Variants in MRPL13 observed in about 807,000 individuals in gnomAD.
The protein encoded by MRPL13 is large ribosomal subunit protein uL13m.
In MRPL13, 33 loss-of-function variants were observed where a neutral mutation model predicts 29.0. The ratio of observed to expected loss-of-function variants is 1.14; its 90% CI spans 0.86 to 1.52. The LOEUF (loss-of-function observed/expected upper bound fraction) is 1.52, where lower values mean the gene tolerates loss of function less well. MRPL13 is among the 40% of genes most tolerant of loss of function. The pLI is 0.00. For synonymous variants in MRPL13, 77 were observed against 68.4 expected (o/e 1.13, Z -0.62); for missense variants, 227 against 216.7 (o/e 1.05, Z -0.30).
At chr8:120,399,970 C>T (rs1053225199) in intron 6 of MRPL13, among the ~76,000 whole-genome samples, 5 of 152,118 alleles carry the variant, frequency 3.3e-5, no homozygotes, top group Admixed American at 2.6e-4. Context: ...TTCAGGAGTA[C>T]GCAGATTCAT....
chr8:120,435,584 C>T (rs184786573), intron 2 of MRPL13, among the ~76,000 whole-genome samples: 16 of 152,258 alleles, frequency 1.1e-4, no homozygotes, highest in African/African-American at 3.6e-4. Flanking sequence ...ATATGTACCA[C>T]ATTTTCTTTA....
rs562986731 is a variant in MRPL13 at position 120,425,469 on chromosome 8, G to A, written c.246-103C>T. On this transcript the variant is annotated intron_variant, in intron 3 of 6. Coordinates refer to ENST00000306185, the MANE Select transcript of MRPL13 (RefSeq NM_014078.6). ...AAACTATTTTAATAAATTGTTTCTCGAAACTGCTTTTCATTAGTGTTTTCA... is the reference window on the plus strand; with the variant it reads ...AAACTATTTTAATAAATTGTTTCTCAAAACTGCTTTTCATTAGTGTTTTCA... 126 of 800,978 alleles carry A rather than the reference G, an allele frequency of 1.6e-4. 2 individuals carry two copies. In the South Asian group the frequency reaches 1.7e-3, roughly 11 times the overall value. The allele number at this position is 800,978 out of a possible 1,614,324, so 49.6% of individuals were successfully genotyped here. A position where few individuals can be genotyped will look rare whatever the true frequency, so the allele number is the denominator to read the frequency against.
At chr8:120,434,735 G>A (rs1813032908) in intron 2 of MRPL13, among the ~76,000 whole-genome samples, 1 of 152,058 alleles carries the variant, frequency 6.6e-6, no homozygotes, top group African/African-American at 2.4e-5. Flanking sequence ...GGGATTCAAG[G>A]AGACCTAGAG....
intron 4 of MRPL13, among the ~76,000 whole-genome samples, chr8:120,424,449 C>T (rs1050487932): frequency 2.6e-5 from 4 of 151,924 alleles, no homozygotes; most frequent in Admixed American, 6.6e-5. Context: ...TAGCAAGATC[C>T]TGTCTTTAAA....
chr8:120,404,713 A>T (rs1812644585), intron 6 of MRPL13, among the ~76,000 whole-genome samples: 1 of 152,220 alleles, frequency 6.6e-6, no homozygotes, highest in Non-Finnish European at 1.5e-5. Flanking sequence ...ACTACTTTGT[A>T]AGAAAGACAC....
chr8:120,433,509 A>T (rs1371289265), intron 2 of MRPL13, among the ~76,000 whole-genome samples: 1 of 152,136 alleles, frequency 6.6e-6, no homozygotes, highest in Non-Finnish European at 1.5e-5. Context: ...TAGGTAAAGC[A>T]TCTCGAGCCA....
chr8:120,441,972 T>C (rs1813129910), intron 2 of MRPL13, among the ~76,000 whole-genome samples: 2 of 152,168 alleles, frequency 1.3e-5, no homozygotes, highest in Non-Finnish European at 2.9e-5. Context: ...TCTTTGACCT[T>C]TTCTGATAGT....
At chr8:120,410,597 C>T (rs1034226416) in intron 6 of MRPL13, among the ~76,000 whole-genome samples, 2 of 152,176 alleles carry the variant, frequency 1.3e-5, no homozygotes, top group East Asian at 1.9e-4. Context: ...ATGAAGGTAG[C>T]GTAATTTTAT....
chr8:120,441,002 T>C (rs1813117236), intron 2 of MRPL13, among the ~76,000 whole-genome samples: 1 of 151,852 alleles, frequency 6.6e-6, no homozygotes, highest in African/African-American at 2.4e-5. Context: ...TATTTTTAAA[T>C]ATGTGTGTGT....
chr8:120,402,678 C>G (rs533743591), intron 6 of MRPL13, among the ~76,000 whole-genome samples: 1 of 152,198 alleles, frequency 6.6e-6, no homozygotes, highest in Admixed American at 6.5e-5. Flanking sequence ...AGCGTCTGTA[C>G]AGCAAAATAA....
At chr8:120,444,414 G>C (rs1813173481) in intron 1 of MRPL13, among the ~76,000 whole-genome samples, 1 of 151,984 alleles carries the variant, frequency 6.6e-6, no homozygotes, top group South Asian at 2.1e-4. Context: ...CCTCCAGTTG[G>C]ACAAACCAAA....
intron 2 of MRPL13, among the ~76,000 whole-genome samples, chr8:120,433,814 T>C (rs1813022769): frequency 6.6e-6 from 1 of 152,156 alleles, no homozygotes; most frequent in Non-Finnish European, 1.5e-5. Context: ...AGCACAGTTG[T>C]TTCTGTCTAA....
intron 6 of MRPL13, among the ~76,000 whole-genome samples, chr8:120,400,408 AAGG>A (rs1812577514): frequency 6.6e-6 from 1 of 152,180 alleles, no homozygotes; most frequent in Admixed American, 6.5e-5. Flanking sequence ...GGCAGAAATC[AAGG>A]AGTTCTTTGA....
intron 2 of MRPL13, 84 bp from the exon 3 acceptor site, chr8:120,432,207 A>G (rs574104154): frequency 3.0e-6 from 3 of 992,008 alleles, no homozygotes; most frequent in Non-Finnish European, 4.3e-6. Context: ...AAAGCTTATC[A>G]AAGTTCAAAC....
At chr8:120,424,164 T>C (rs1487593590) in intron 4 of MRPL13, among the ~76,000 whole-genome samples, 2 of 152,186 alleles carry the variant, frequency 1.3e-5, no homozygotes, top group Non-Finnish European at 1.5e-5. Flanking sequence ...GCTATATTAA[T>C]GTCAGAACAA....
At chr8:120,445,038 C>T (rs1283082234) in intron 1 of MRPL13, 30 bp downstream of exon 1, 1 of 1,613,848 alleles carries the variant, frequency 6.2e-7, no homozygotes, top group South Asian at 1.1e-5. Context: ...GTATAATGAA[C>T]CCCATCAAGC....
chr8:120,429,348 A>T (rs1812971123), intron 3 of MRPL13, among the ~76,000 whole-genome samples: 2 of 152,102 alleles, frequency 1.3e-5, no homozygotes, highest in Non-Finnish European at 2.9e-5. Flanking sequence ...GGCCTATTGG[A>T]GGGTGGAGGG....
intron 6 of MRPL13, among the ~76,000 whole-genome samples, chr8:120,402,240 A>G (rs1033359350): frequency 2.6e-5 from 4 of 152,200 alleles, no homozygotes; most frequent in African/African-American, 7.2e-5. Context: ...TCGCTACCCA[A>G]CTTCAAACTA....
chr8:120,416,520 TAA>T (rs577577168), intron 5 of MRPL13, among the ~76,000 whole-genome samples: 370 of 151,974 alleles, frequency 2.4e-3, no homozygotes, highest in African/African-American at 8.4e-3. Flanking sequence ...TAAATAAAAA[TAA>T]AGAGTTCCCT....
Sources: gnomAD v4.1 joint callset for allele counts (sites outside exome capture counted in the v4.1 genomes callset) on GRCh38, gnomAD v4.1.1 for gene constraint, MANE v1.5 for transcripts, NCBI Gene and HGNC (gene_info 2026-07-23, HGNC 2026-07-21) for gene names.